Variants in SDK2 observed in about 807,000 individuals in gnomAD.
SDK2 encodes protein sidekick-2.
In SDK2, 105 loss-of-function variants were observed where a neutral mutation model predicts 253.9. That is an observed-to-expected ratio of 0.41 (90% CI 0.35 to 0.49). SDK2 has a LOEUF of 0.49. Among genes scored for constraint, SDK2 ranks in the 20% least tolerant of loss-of-function variants. SDK2 has a pLI of 0.06. For synonymous variants in SDK2, 1,249 were observed against 1,234.9 expected (o/e 1.01, Z -0.24); for missense variants, 2,608 against 3,003.0 (o/e 0.87, Z 3.07).
chr17:73,395,138 G>C lies in SDK2; in HGVS notation c.3592+17C>G. The C allele has an allele frequency of 6.4e-7, 1 of 1,561,224 alleles. No homozygotes were observed. The highest frequency in any genetic ancestry group is 8.7e-7 in the Non-Finnish European group (1 of 1,153,210). On this transcript the variant is annotated intron_variant, in intron 25 of 44. Transcript: ENST00000392650. This position sits in a 1 kb window ranked among gnomAD's most constrained non-coding sequence, Gnocchi z 4.3. Reference sequence around the variant, plus strand: ...AGGGGACAGGCAGCAGGGTGGCTGGGTGTGAGGGGTTGGTACCTGACTCCC... The same window carrying C: ...AGGGGACAGGCAGCAGGGTGGCTGGCTGTGAGGGGTTGGTACCTGACTCCC...
At chr17:73,547,630 A>T (rs1169788269) in intron 1 of SDK2, among the ~76,000 whole-genome samples, 2 of 152,182 alleles carry the variant, frequency 1.3e-5, no homozygotes, top group African/African-American at 4.8e-5. Flanking sequence ...CACCATGAAG[A>T]TGTTCAGAAG....
chr17:73,643,385 T>A lies in SDK2; in HGVS notation c.64+640A>T, dbSNP rs2046422323. Among the ~76,000 whole-genome samples, 1 of 152,072 alleles carries A rather than the reference T, an allele frequency of 6.6e-6. No individual in the cohort carries two copies. The highest frequency in any genetic ancestry group is 1.5e-5 in the Non-Finnish European group (1 of 67,964). ...AGGAGGGGAGGCCTCAGACCCTCCC[T>A]GTGCACCACCCCCCGGTGGGTCCGC... On this transcript the variant is annotated intron_variant, in intron 1 of 44. Transcript: ENST00000392650. The surrounding 1 kb of genome is among the most constrained non-coding windows in gnomAD (Gnocchi z 6.9).
chr17:73,340,734 G>GTTTTTTTTTTTTTT lies in SDK2; in HGVS notation c.6166-1808_6166-1795dup, dbSNP rs10638504. Among the ~76,000 whole-genome samples the GTTTTTTTTTTTTTT allele has an allele frequency of 5.2e-5, 4 of 77,556 alleles. No individual in the cohort carries two copies. In the Admixed American group the frequency reaches 6.3e-4, roughly 12 times the overall value. 50.9% of individuals were successfully genotyped at this position (77,556 alleles called of 152,430 possible). On this transcript the variant is annotated intron_variant, in intron 44 of 44. Transcript: ENST00000392650. ...ATTTTCATGTAATGAAAACCTTAAA[G>GTTTTTTTTTTTTTT]TTTTTTTTTTTTTTTTTTTTTTTTT...
chr17:73,563,696 A>G (rs1272585872), intron 1 of SDK2, among the ~76,000 whole-genome samples: 2 of 152,110 alleles, frequency 1.3e-5, no homozygotes, highest in Non-Finnish European at 2.9e-5. Flanking sequence ...AATTTTAGGT[A>G]TACATATTTT....
At chr17:73,470,727 C>T (rs1187477891) in intron 3 of SDK2, among the ~76,000 whole-genome samples, 1 of 152,220 alleles carries the variant, frequency 6.6e-6, no homozygotes, top group African/African-American at 2.4e-5. Context: ...TTCTCTCCTG[C>T]ACTTCTCTTT....
At chr17:73,385,089 G>A (rs1438568551) in intron 32 of SDK2, among the ~76,000 whole-genome samples, 2 of 152,228 alleles carry the variant, frequency 1.3e-5, no homozygotes, top group Admixed American at 1.3e-4. Context: ...TGGCTGAAGG[G>A]GAGTGCCTGC....
At chr17:73,542,785 G>A (rs994986015) in intron 1 of SDK2, among the ~76,000 whole-genome samples, 1 of 152,104 alleles carries the variant, frequency 6.6e-6, no homozygotes, top group Non-Finnish European at 1.5e-5. Context: ...TGAAATTCAT[G>A]CCATTTGGTG....
chr17:73,587,341 C>A (rs1273482785), intron 1 of SDK2, among the ~76,000 whole-genome samples: 2 of 152,218 alleles, frequency 1.3e-5, no homozygotes, highest in Non-Finnish European at 2.9e-5. Context: ...CAGGGCAGAG[C>A]CTGGACAGAG....
At position 73,467,542 on chromosome 17, in the gene SDK2, C is replaced by T. The variant is rs1599594059; in HGVS notation, c.331+4570G>A. The stretch of plus-strand genomic sequence containing the variant: ...GCTGTGTTTCCCTAGGCCCAGAATC[C>T]CAGGGAAGTGGGGCTGGGACAGAGG... On this transcript the variant is annotated intron_variant, in intron 3 of 44. Transcript: ENST00000392650. The surrounding 1 kb of genome is among the most constrained non-coding windows in gnomAD (Gnocchi z 4.1). 6.6e-6 allele frequency among the ~76,000 whole-genome samples: 1 copy of T among 152,024 alleles called. No individual in the cohort carries two copies. Among genetic ancestry groups the T allele is most frequent in the East Asian group, 1.9e-4 (1 of 5,172 alleles).
rs924520193 is a variant in SDK2, at chr17:73,643,748, G to A, written c.64+277C>T. On this transcript the variant is annotated intron_variant, in intron 1 of 44. Coordinates refer to ENST00000392650, the MANE Select transcript of SDK2 (RefSeq NM_001144952.2). The surrounding 1 kb of genome is among the most constrained non-coding windows in gnomAD (Gnocchi z 6.9). ...GCAGCCACAGCAGACGGGGGGAGGG[G>A]AGCGCCCCTCCCACTTCACCTTGGG... Among the ~76,000 whole-genome samples the A allele has an allele frequency of 6.6e-6, 1 of 152,060 alleles. No individual in the cohort carries two copies. The highest frequency in any genetic ancestry group is 2.4e-5 in the African/African-American group (1 of 41,434).
Position 73,380,967 on chromosome 17 carries a change from C to CGGTTTGTTGAA in SDK2, c.4706-18_4706-17insTTCAACAAACC. ...AGTACATGGCTATGGGGTGGGGGTG[C>CGGTTTGTTGAA]CGGGGCGGGGGCGCAGAGGGAGACA... is the stretch of plus-strand genomic sequence containing the variant. On this transcript the variant is annotated splice_polypyrimidine_tract_variant and intron_variant, in intron 33 of 44. Coordinates refer to ENST00000392650, the MANE Select transcript of SDK2 (RefSeq NM_001144952.2). 1.0e-6 allele frequency: 1 copy of CGGTTTGTTGAA among 985,114 alleles called. No homozygotes were observed. 61.0% of individuals were successfully genotyped at this position (985,114 alleles called of 1,614,324 possible).
Position 73,520,135 on chromosome 17 carries a change from C to G in SDK2, c.65-12538G>C, listed in dbSNP as rs145807273. On this transcript the variant is annotated intron_variant, in intron 1 of 44. Transcript: ENST00000392650. ...CATGCCTGCCGGCCAGCACACACCA[C>G]ACACACGCGGCCTCCTCCCCAGTCA... The G allele has an allele frequency of 6.6e-3, 1,002 of 152,618 alleles. 7 individuals are homozygous for G. The highest frequency in any genetic ancestry group is 8.7e-3 in the Non-Finnish European group (594 of 68,218). 9.5% of individuals were successfully genotyped at this position (152,618 alleles called of 1,614,324 possible).
rs909851723 is a variant in SDK2 at position 73,629,993 on chromosome 17, A to AC, written c.64+14031dup. ...GAAGAATGAGTGCTGGTCAATACCA[A>AC]CCCCCCACCAGGTGCAAGGCCATCA... On this transcript the variant is annotated intron_variant, in intron 1 of 44. Coordinates refer to ENST00000392650, the MANE Select transcript of SDK2 (RefSeq NM_001144952.2). The surrounding 1 kb of genome is among the most constrained non-coding windows in gnomAD (Gnocchi z 5.0). Among the ~76,000 whole-genome samples the AC allele has an allele frequency of 1.3e-5, 2 of 151,694 alleles. No homozygotes were observed. Among genetic ancestry groups the AC allele is most frequent in the Non-Finnish European group, 2.9e-5 (2 of 67,942 alleles).
At chr17:73,375,519 T>G (rs1322211936) in intron 36 of SDK2, among the ~76,000 whole-genome samples, 5 of 152,112 alleles carry the variant, frequency 3.3e-5, no homozygotes, top group Non-Finnish European at 7.4e-5. Flanking sequence ...AGCGCCAGGA[T>G]TACAGTTGTG....
At position 73,496,503 on chromosome 17, in the gene SDK2, C is replaced by T. The variant is rs976383792; in HGVS notation, c.224+10935G>A. Among the ~76,000 whole-genome samples the T allele has an allele frequency of 4.6e-5, 7 of 152,102 alleles. No homozygotes were observed. Among genetic ancestry groups the T allele is most frequent in the Non-Finnish European group, 7.3e-5 (5 of 68,030 alleles). On this transcript the variant is annotated intron_variant, in intron 2 of 44. Transcript: ENST00000392650. This position sits in a 1 kb window ranked among gnomAD's most constrained non-coding sequence, Gnocchi z 4.7. ...GAGCAGAGACCACGGGTGCACGATG[C>T]GTTCTGCCCATTAGCGAAGGGAGTT...
intron 20 of SDK2, 106 bp downstream of exon 20, chr17:73,401,548 G>A: frequency 9.4e-7 from 1 of 1,059,108 alleles, no homozygotes; most frequent in Non-Finnish European, 1.4e-6. Flanking sequence ...GCATGGGTTG[G>A]CTTCAAGAGT....
At chr17:73,445,040 C>T (rs140636348) in intron 5 of SDK2, among the ~76,000 whole-genome samples, 6 of 152,298 alleles carry the variant, frequency 3.9e-5, no homozygotes, top group Admixed American at 2.6e-4. Flanking sequence ...TAAGCATGTA[C>T]GGAACAACTT....
At position 73,633,830 on chromosome 17, in the gene SDK2, G is replaced by A. The variant is rs962817858; in HGVS notation, c.64+10195C>T. Among the ~76,000 whole-genome samples, 5 of 152,088 alleles carry A rather than the reference G, an allele frequency of 3.3e-5. No homozygotes were observed. In the East Asian group the frequency reaches 9.6e-4, roughly 29 times the overall value. On this transcript the variant is annotated intron_variant, in intron 1 of 44. Transcript: ENST00000392650. ...GGAGTCCCAGCTGGAAGTCAGGGAC[G>A]GCTTCACGCTAGACTTTTTGGGGTC...
At chr17:73,569,645 AT>A (rs112413933) in intron 1 of SDK2, among the ~76,000 whole-genome samples, 58,724 of 148,724 alleles carry the variant, frequency 0.39, 12,628 homozygotes, top group African/African-American at 0.59. Flanking sequence ...AGGCATTGGA[AT>A]TTTTTTTTTT....
Sources: gnomAD v4.1 joint callset for allele counts (sites outside exome capture counted in the v4.1 genomes callset) on GRCh38, gnomAD v4.1.1 for gene constraint, Gnocchi (gnomAD v3.1) non-coding constraint, MANE v1.5 for transcripts, NCBI Gene and HGNC (gene_info 2026-07-23, HGNC 2026-07-21) for gene names.